INPP4B: variants seen among roughly 807,000 people sequenced by gnomAD.
INPP4B encodes the protein inositol polyphosphate-4-phosphatase type II B.
In INPP4B, 55 loss-of-function variants were observed where a neutral mutation model predicts 122.5. The ratio of observed to expected loss-of-function variants is 0.45; its 90% confidence interval spans 0.36 to 0.56. The LOEUF is 0.56. INPP4B is among the 20% of genes least tolerant of loss of function. The probability of loss-of-function intolerance (pLI) is 0.00; values close to 1 mark genes in which losing one functional copy is unlikely to be tolerated. For missense variants in INPP4B, 1,000 were observed against 1,097.7 expected (o/e 0.91, Z 1.26); for synonymous variants, 403 against 388.7 (o/e 1.04, Z -0.43).
At chr4:142,742,001 A>G (rs1767969170) in intron 1 of INPP4B, among the ~76,000 whole-genome samples, 1 of 152,052 alleles carries the variant, frequency 6.6e-6, no homozygotes. Flanking sequence ...AAGCAGAATA[A>G]ATAAAAAGAA....
intron 7 of INPP4B, among the ~76,000 whole-genome samples, chr4:142,378,850 T>A (rs6828156): frequency 1.3e-5 from 2 of 152,012 alleles, no homozygotes; most frequent in South Asian, 4.1e-4. Context: ...GAGGTCCCAC[T>A]ACCCTTGTTG....
intron 7 of INPP4B, among the ~76,000 whole-genome samples, chr4:142,329,793 T>C (rs1277434208): frequency 6.6e-6 from 1 of 152,188 alleles, no homozygotes; most frequent in Non-Finnish European, 1.5e-5. Flanking sequence ...AGGTTAATAA[T>C]GCTCAACTAG....
At chr4:142,197,893 C>A (rs1351348230) in intron 14 of INPP4B, among the ~76,000 whole-genome samples, 1 of 152,010 alleles carries the variant, frequency 6.6e-6, no homozygotes, top group African/African-American at 2.4e-5. Flanking sequence ...GATATATTTT[C>A]CAAAGTCTGA....
intron 2 of INPP4B, among the ~76,000 whole-genome samples, chr4:142,506,764 T>C (rs1717411633): frequency 1.3e-5 from 2 of 152,196 alleles, no homozygotes; most frequent in Admixed American, 6.5e-5. Flanking sequence ...AAAGTTATGA[T>C]ATATGATTAT....
chr4:142,122,025 G>C, intron 21 of INPP4B, 103 bp downstream of exon 21: 1 of 735,886 alleles, frequency 1.4e-6, no homozygotes, highest in Non-Finnish European at 2.3e-6. Flanking sequence ...AAAAACAAAA[G>C]AAATATTCCC....
chr4:142,597,115 C>A (rs1738878078), intron 2 of INPP4B, among the ~76,000 whole-genome samples: 2 of 152,200 alleles, frequency 1.3e-5, no homozygotes, highest in Admixed American at 1.3e-4. Flanking sequence ...AAAATAAATT[C>A]CTTGCCCAGA....
chr4:142,111,259 G>A (rs900914876), intron 22 of INPP4B, among the ~76,000 whole-genome samples: 5 of 152,014 alleles, frequency 3.3e-5, no homozygotes, highest in African/African-American at 1.2e-4. Flanking sequence ...CAAAATTGTT[G>A]CCTGTGAAGG....
At chr4:142,103,331 T>C (rs1036608078) in intron 23 of INPP4B, among the ~76,000 whole-genome samples, 1 of 152,116 alleles carries the variant, frequency 6.6e-6, no homozygotes, top group Non-Finnish European at 1.5e-5. Flanking sequence ...ATGTATGTTT[T>C]CTATGTGGAC....
chr4:142,461,512 C>T (rs1816724553), intron 3 of INPP4B, among the ~76,000 whole-genome samples: 1 of 151,976 alleles, frequency 6.6e-6, no homozygotes, highest in Admixed American at 6.6e-5. Flanking sequence ...GGATTTGAGG[C>T]AATTAACCAT....
chr4:142,756,757 T>C (rs1770576913), intron 1 of INPP4B, among the ~76,000 whole-genome samples: 1 of 152,110 alleles, frequency 6.6e-6, no homozygotes, highest in African/African-American at 2.4e-5. Context: ...GGAATGCCTA[T>C]CCAGAACTAA....
intron 2 of INPP4B, among the ~76,000 whole-genome samples, chr4:142,699,483 C>T (rs1761443721): frequency 1.3e-5 from 2 of 152,274 alleles, no homozygotes; most frequent in South Asian, 4.1e-4. Context: ...AGAGCTCCAC[C>T]TACTCTGTCC....
chr4:142,047,153 G>C (rs1165613511), intron 25 of INPP4B, among the ~76,000 whole-genome samples: 4 of 152,094 alleles, frequency 2.6e-5, no homozygotes, highest in Non-Finnish European at 1.5e-5. Context: ...ATGGCTATTA[G>C]GGAGAGTACA....
chr4:142,398,430 ATATATATATATAT>A (rs1459090585), intron 7 of INPP4B, among the ~76,000 whole-genome samples: 24 of 113,454 alleles, frequency 2.1e-4, no homozygotes, highest in Non-Finnish European at 4.0e-4. Context: ...ATATATATAT[ATATATATATATAT>A]ATAAAACATA....
intron 2 of INPP4B, among the ~76,000 whole-genome samples, chr4:142,667,506 T>C (rs138381765): frequency 6.6e-6 from 1 of 152,324 alleles, no homozygotes; most frequent in Non-Finnish European, 1.5e-5. Flanking sequence ...AAACTACTGA[T>C]ATCTAGTCCT....
intron 25 of INPP4B, among the ~76,000 whole-genome samples, chr4:142,066,922 C>A (rs1020112683): frequency 6.6e-5 from 10 of 152,204 alleles, no homozygotes; most frequent in Admixed American, 6.5e-4. Context: ...CAAAAGGGAG[C>A]AGAAACTTCT....
intron 7 of INPP4B, among the ~76,000 whole-genome samples, chr4:142,378,055 C>T (rs570595835): frequency 1.3e-4 from 20 of 152,256 alleles, no homozygotes; most frequent in African/African-American, 4.6e-4. Flanking sequence ...GATAATTGCA[C>T]TACTATTGTA....
At chr4:142,178,902 G>A (rs1829547714) in intron 15 of INPP4B, among the ~76,000 whole-genome samples, 1 of 150,628 alleles carries the variant, frequency 6.6e-6, no homozygotes. Flanking sequence ...AGTTCTGACT[G>A]AGAAGAAAAT....
chr4:142,423,994 G>T (rs1041956578), intron 5 of INPP4B, among the ~76,000 whole-genome samples: 1 of 151,916 alleles, frequency 6.6e-6, no homozygotes, highest in African/African-American at 2.4e-5. Flanking sequence ...ATGATTTATT[G>T]TGTGTCTTTT....
intron 15 of INPP4B, among the ~76,000 whole-genome samples, chr4:142,177,854 T>C (rs1829036054): frequency 6.6e-6 from 1 of 152,180 alleles, no homozygotes; most frequent in African/African-American, 2.4e-5. Context: ...CAAGGACTTA[T>C]AAATTCCTGA....
Sources: gnomAD v4.1 joint callset for allele counts (sites outside exome capture counted in the v4.1 genomes callset) on GRCh38, gnomAD v4.1.1 for gene constraint, MANE v1.5 for transcripts, NCBI Gene and HGNC (gene_info 2026-07-23, HGNC 2026-07-21) for gene names.